The following ZBTB38 variants were observed in gnomAD, a reference collection of about 807,000 sequenced individuals.
The protein encoded by ZBTB38 is zinc finger and BTB domain containing 38.
A neutral mutation model predicts 76.8 loss-of-function variants in ZBTB38; 20 were observed. That is an observed-to-expected ratio of 0.26 (90% CI 0.18 to 0.38). The LOEUF (loss-of-function observed/expected upper bound fraction) is 0.38, where lower values mean the gene tolerates loss of function less well. Among genes scored for constraint, ZBTB38 ranks in the 10% least tolerant of loss-of-function variants. The pLI is 1.00. For missense variants in ZBTB38, 1,082 were observed against 1,482.3 expected (o/e 0.73, Z 4.43); for synonymous variants, 504 against 544.2 (o/e 0.93, Z 1.03).
rs566663976 is a variant in ZBTB38 at position 141,362,028 on chromosome 3, GA to G, written c.-738-6592del. Among the ~76,000 whole-genome samples the G allele has an allele frequency of 1.1e-4, 17 of 152,260 alleles. No individual in the cohort carries two copies. The East Asian group carries it at 3.1e-3, about 28-fold the overall frequency. Reference sequence around the variant, plus strand: ...GAAAGTGTTAGTTATAATGTACTTGGATCTTTTCTATTGTTTTATTTTATTC... The same window carrying G: ...GAAAGTGTTAGTTATAATGTACTTGGTCTTTTCTATTGTTTTATTTTATTC... On this transcript the variant is annotated intron_variant, in intron 1 of 7. Transcript: ENST00000509842.
upstream of ZBTB38, among the ~76,000 whole-genome samples, chr3:141,364,219 G>C (rs1943894121): frequency 6.8e-6 from 1 of 147,522 alleles, no homozygotes; most frequent in East Asian, 2.0e-4. Flanking sequence ...CTGAGGTCGG[G>C]AGTTCAAGAC....
intron 5 of ZBTB38, among the ~76,000 whole-genome samples, chr3:141,429,534 G>C (rs888456929): frequency 6.6e-6 from 1 of 152,214 alleles, no homozygotes; most frequent in Non-Finnish European, 1.5e-5. Context: ...CCTGCCATGT[G>C]CTGCGGCCTG....
chr3:141,365,904 T>C (rs1327616719), upstream of ZBTB38, among the ~76,000 whole-genome samples: 1 of 152,228 alleles, frequency 6.6e-6, no homozygotes, highest in Admixed American at 6.5e-5. Context: ...AATAATTTTT[T>C]TTAAAGAGAG....
At chr3:141,409,292 G>A (rs1260161731) in intron 5 of ZBTB38, among the ~76,000 whole-genome samples, 5 of 151,938 alleles carry the variant, frequency 3.3e-5, no homozygotes, top group East Asian at 1.9e-4. Flanking sequence ...GTGATCCACC[G>A]GCCTCAGCCT....
intron 3 of ZBTB38, chr3:141,383,574 G>A (rs922710151): frequency 1.3e-5 from 2 of 152,160 alleles, no homozygotes; most frequent in Non-Finnish European, 2.9e-5. Flanking sequence ...CTGACTTTAT[G>A]TTTTTTAAAA....
At position 141,356,472 on chromosome 3, in the gene ZBTB38, G is replaced by A. The variant is rs539565499; in HGVS notation, c.-738-12149G>A. Among the ~76,000 whole-genome samples, 82 of 152,272 alleles carry A rather than the reference G, an allele frequency of 5.4e-4. 1 individual carries two copies. Among genetic ancestry groups the A allele is most frequent in the African/African-American group, 1.9e-3 (78 of 41,548 alleles). ...AGGGTAAGAAAATATGCCAGGTTCAGGGGAAGCCTCGGTATTTGGTCGACC... is the reference window on the plus strand; with the variant it reads ...AGGGTAAGAAAATATGCCAGGTTCAAGGGAAGCCTCGGTATTTGGTCGACC... On this transcript the variant is annotated intron_variant, in intron 1 of 7. Coordinates refer to the ZBTB38 transcript ENST00000509842.
chr3:141,371,323 T>G (rs1158989941), intron 2 of ZBTB38, among the ~76,000 whole-genome samples: 3 of 151,916 alleles, frequency 2.0e-5, no homozygotes. Flanking sequence ...AGTGCTGAGA[T>G]TACAGACATG....
At chr3:141,364,505 C>T (rs551327075), upstream of ZBTB38, among the ~76,000 whole-genome samples, 2 of 151,366 alleles carry the variant, frequency 1.3e-5, no homozygotes, top group Non-Finnish European at 2.9e-5. Context: ...TAGAGAAACT[C>T]CATCTCTACT....
chr3:141,340,961 A>AAGAAAAGAAAAGATAAGAAAGAAGGAAG (rs1559913218), intron 1 of ZBTB38, among the ~76,000 whole-genome samples: 1 of 128,844 alleles, frequency 7.8e-6, no homozygotes, highest in African/African-American at 3.2e-5. Context: ...AAAGAAAGAA[A>AAGAAAAGAAAAGATAAGAAAGAAGGAAG]GAAAGAAAGA....
chr3:141,420,650 A>G (rs1478631675), intron 5 of ZBTB38, among the ~76,000 whole-genome samples: 1 of 152,186 alleles, frequency 6.6e-6, no homozygotes, highest in Admixed American at 6.5e-5. Context: ...TTTTCTAAGT[A>G]TAACAGTACT....
intron 1 of ZBTB38, among the ~76,000 whole-genome samples, chr3:141,350,520 T>C (rs1193950106): frequency 6.6e-6 from 1 of 152,194 alleles, no homozygotes; most frequent in East Asian, 1.9e-4. Flanking sequence ...CTACTTCAAT[T>C]TGGACGTCTT....
chr3:141,439,772 A>G (rs7636914), intron 5 of ZBTB38, among the ~76,000 whole-genome samples: 37,745 of 152,198 alleles, frequency 0.25, 5,463 homozygotes, highest in Non-Finnish European at 0.33. Flanking sequence ...ATCATATAGC[A>G]TGTGTTTTGT....
chr3:141,331,925 T>C (rs1475653242), intron 1 of ZBTB38, among the ~76,000 whole-genome samples: 2 of 152,232 alleles, frequency 1.3e-5, no homozygotes, highest in Non-Finnish European at 2.9e-5. Context: ...TGAGTCACTG[T>C]GCTTTCTGAT....
At chr3:141,382,511 TAATA>T (rs1011775916) in intron 3 of ZBTB38, among the ~76,000 whole-genome samples, 6 of 152,342 alleles carry the variant, frequency 3.9e-5, no homozygotes, top group African/African-American at 1.4e-4. Context: ...CACTAGGTTT[TAATA>T]AATACATTTC....
rs1470290489 is a variant in ZBTB38 at position 141,430,858 on chromosome 3, A to C, written c.1-11531A>C. On this transcript the variant is annotated intron_variant, in intron 5 of 5. Transcript: ENST00000321464. ...ACTGAGAGGTACAGAGCCACCTTCC[A>C]TTCAATCAGCCAGCCCTTTGGGTTC... 3.3e-5 allele frequency among the ~76,000 whole-genome samples: 5 copies of C among 152,168 alleles called. No homozygotes were observed. The East Asian group carries it at 9.6e-4, about 29-fold the overall frequency.
chr3:141,384,830 G>A (rs1052841527), intron 3 of ZBTB38: 3 of 152,244 alleles, frequency 2.0e-5, no homozygotes, highest in Non-Finnish European at 2.9e-5. Flanking sequence ...GTAGTTGTGG[G>A]AGAGAGATGT....
chr3:141,402,541 G>A (rs941259428), intron 4 of ZBTB38: 2 of 149,678 alleles, frequency 1.3e-5, no homozygotes, highest in Non-Finnish European at 3.0e-5. Context: ...CCGCCAGCCC[G>A]ATCGCTCCTC....
At chr3:141,331,762 G>T (rs1185837518) in intron 1 of ZBTB38, among the ~76,000 whole-genome samples, 1 of 151,840 alleles carries the variant, frequency 6.6e-6, no homozygotes, top group Non-Finnish European at 1.5e-5. Context: ...GAGCAGAAGA[G>T]GAAAGATCTG....
intron 4 of ZBTB38, among the ~76,000 whole-genome samples, chr3:141,392,282 A>C (rs1949114312): frequency 6.6e-6 from 1 of 152,134 alleles, no homozygotes; most frequent in Admixed American, 6.5e-5. Context: ...CTCTCTGCCC[A>C]TTAGTGGGGA....
Sources: gnomAD v4.1 joint callset for allele counts (sites outside exome capture counted in the v4.1 genomes callset) on GRCh38, gnomAD v4.1.1 for gene constraint, MANE v1.5 for transcripts, NCBI Gene and HGNC (gene_info 2026-07-23, HGNC 2026-07-21) for gene names.